The following MYOM1 variants were observed in gnomAD, a reference collection of about 807,000 sequenced individuals.
MYOM1 encodes myomesin 1, also known as myomesin-1.
A neutral mutation model predicts 205.3 loss-of-function variants in MYOM1; 164 were observed. The ratio of observed to expected loss-of-function variants is 0.80; its 90% CI spans 0.70 to 0.91. MYOM1 has a LOEUF of 0.91. Ranked by LOEUF, MYOM1 falls within the 40% of genes least tolerant of loss-of-function variation. The probability of loss-of-function intolerance (pLI) is 0.00; values close to 1 mark genes in which losing one functional copy is unlikely to be tolerated. For synonymous variants in MYOM1, 772 were observed against 789.4 expected (o/e 0.98, Z 0.37); for missense variants, 2,011 against 2,127.3 (o/e 0.95, Z 1.08).
chr18:3,190,210 A>T lies in MYOM1; in HGVS notation c.432-1123T>A, dbSNP rs141948793. Among the ~76,000 whole-genome samples, 834 of 152,352 alleles carry T rather than the reference A, an allele frequency of 5.5e-3. 7 individuals are homozygous for T. The highest frequency in any genetic ancestry group is 0.018 in the African/African-American group (764 of 41,574). ...CGTTTAAAAATATTTGAATTATTTT[A>T]ACATATTTCAATGCCTTTTGTTGTT... On this transcript the variant is annotated intron_variant, in intron 3 of 37. Coordinates refer to ENST00000356443, the MANE Select transcript of MYOM1 (RefSeq NM_003803.4).
At chr18:3,164,830 A>G (rs2080445132) in intron 9 of MYOM1, among the ~76,000 whole-genome samples, 3 of 152,260 alleles carry the variant, frequency 2.0e-5, no homozygotes, top group Admixed American at 1.3e-4. Context: ...TGTATATGCA[A>G]TCAATAATAA....
At chr18:3,100,285 C>T in intron 24 of MYOM1, 35 bp downstream of exon 24, 2 of 1,612,172 alleles carry the variant, frequency 1.2e-6, no homozygotes, top group Non-Finnish European at 1.7e-6. Context: ...TTCAAAGCAA[C>T]ATTCGATGTG....
chr18:3,092,101 C>T (rs937452435), intron 26 of MYOM1, among the ~76,000 whole-genome samples: 17 of 152,210 alleles, frequency 1.1e-4, no homozygotes, highest in East Asian at 1.9e-4. Context: ...GCTCATTCAT[C>T]GCTATCTCCT....
chr18:3,112,322 G>A lies in MYOM1; in HGVS notation c.3394C>T (p.Pro1132Ser), dbSNP rs773796006. The change falls in exon 22 of 38, where the codon CCT (proline) becomes TCT (serine). Residue 1132 changes from proline (P) to serine (S), a missense_variant. Physicochemically the swap from Pro to Ser is moderately conservative, Grantham distance 74 (BLOSUM62 -1). Transcript: ENST00000356443. ...GVGKPSDLAG[P>S]VVAETRPGTK... ...CCTGGACGGGTCTCTGCCACAACAG[G>A]GCCAGCAAGGTCAGATGGCTTCCCA... 1.2e-6 allele frequency: 2 copies of A among 1,613,038 alleles called. No individual in the cohort carries two copies. The highest frequency in any genetic ancestry group is 1.7e-6 in the Non-Finnish European group (2 of 1,179,182).
chr18:3,083,852 C>T lies in MYOM1; in HGVS notation c.4421G>A (p.Gly1474Asp), dbSNP rs765506987. Residue 1474 changes from glycine to aspartate, a missense_variant, in exon 33 of 38, where the codon GGC (glycine) becomes GAC (aspartate). By Grantham distance (94) the Gly-to-Asp change is moderately conservative (BLOSUM62 -1). Coordinates refer to ENST00000356443, the MANE Select transcript of MYOM1 (RefSeq NM_003803.4). ...AGTTACAAAAGAGTACAGTTGGATGCCCTCGGCTGTGCTCTGGATTTTCAG... is the reference window on the plus strand; with the variant it reads ...AGTTACAAAAGAGTACAGTTGGATGTCCTCGGCTGTGCTCTGGATTTTCAG... ...TDLKIQSTAE[G>D]IQLYSFVTYY... is the part of the protein sequence containing the mutation. 5.7e-6 allele frequency: 9 copies of T among 1,584,022 alleles called. No individual in the cohort carries two copies. The South Asian group carries it at 5.8e-5, about 10-fold the overall frequency.
intron 6 of MYOM1, 45 bp downstream of exon 6, chr18:3,175,997 C>T (rs1235354374): frequency 8.0e-7 from 1 of 1,247,188 alleles, no homozygotes; most frequent in East Asian, 2.3e-5. Flanking sequence ...TGAGAAGCCT[C>T]CCTGAGCAAT....
chr18:3,132,183 G>C (rs1342948301), intron 16 of MYOM1, among the ~76,000 whole-genome samples: 1 of 147,266 alleles, frequency 6.8e-6, no homozygotes, highest in African/African-American at 2.5e-5. Context: ...ACGGAGTCTC[G>C]CTCTGTTGCC....
chr18:3,083,595 ATTTTTTTTT>A (rs59299057), intron 33 of MYOM1, among the ~76,000 whole-genome samples, 185 bp downstream of exon 33: 3 of 107,114 alleles, frequency 2.8e-5, no homozygotes, highest in Non-Finnish European at 3.8e-5. Context: ...CGCCCAGCTC[ATTTTTTTTT>A]TTTTTTTTTT....
At chr18:3,099,984 C>T (rs757409927) in intron 25 of MYOM1, among the ~76,000 whole-genome samples, 175 bp downstream of exon 25, 3 of 152,086 alleles carry the variant, frequency 2.0e-5, no homozygotes, top group African/African-American at 7.2e-5. Context: ...GGAGAACAAC[C>T]GCAAAGGAAA....
chr18:3,239,986 A>G, the MYOM1 span, among the ~76,000 whole-genome samples: 26 of 152,150 alleles, frequency 1.7e-4, no homozygotes, highest in Admixed American at 7.9e-4. Flanking sequence ...CTTTATCCTC[A>G]CAACCACTGA....
chr18:3,147,289 G>A (rs148224527), intron 13 of MYOM1, among the ~76,000 whole-genome samples: 9 of 151,478 alleles, frequency 5.9e-5, no homozygotes, highest in Non-Finnish European at 1.2e-4. Context: ...TGATAAAAGA[G>A]GAGCAAACGA....
At chr18:3,195,919 T>C (rs1389862960) in intron 2 of MYOM1, among the ~76,000 whole-genome samples, 4 of 152,202 alleles carry the variant, frequency 2.6e-5, no homozygotes, top group African/African-American at 2.4e-5. Context: ...TAAAGACTCA[T>C]GGCACTTTCA....
chr18:3,191,085 T>C lies in MYOM1; in HGVS notation c.432-1998A>G, dbSNP rs532464700. Among the ~76,000 whole-genome samples, 9 of 152,328 alleles carry C rather than the reference T, an allele frequency of 5.9e-5. No homozygotes were observed. In the East Asian group the frequency reaches 1.3e-3, roughly 23 times the overall value. On this transcript the variant is annotated intron_variant, in intron 3 of 37. Transcript: ENST00000356443. The stretch of plus-strand genomic sequence containing the variant: ...AGTAAAAGTCAGGATTTATCAGTGA[T>C]AACCCTTCTATAATGTGGACACAAA...
At chr18:3,131,627 A>C in intron 16 of MYOM1, 131 bp from the exon 17 acceptor site, 2 of 857,312 alleles carry the variant, frequency 2.3e-6, no homozygotes, top group Non-Finnish European at 3.4e-6. Context: ...TTTTGAACAG[A>C]AATGGGGTCT....
Position 3,179,045 on chromosome 18 carries a change from T to G in MYOM1, c.930-2911A>C, listed in dbSNP as rs12956190. Among the ~76,000 whole-genome samples the G allele has an allele frequency of 0.15, 22,394 of 152,048 alleles. 1,717 individuals are homozygous for G. Among genetic ancestry groups the G allele is most frequent in the Middle Eastern group, 0.2 (58 of 294 alleles). ...ACCACACTCAGCTAATTTTTTCTAT[T>G]TTTTGTAGAGACAGGCTCTTGCTAT... On this transcript the variant is annotated intron_variant, in intron 5 of 37. Coordinates refer to ENST00000356443, the MANE Select transcript of MYOM1 (RefSeq NM_003803.4). This position sits in a 1 kb window ranked among gnomAD's most constrained non-coding sequence, Gnocchi z 4.4.
chr18:3,197,376 G>C (rs966313101), intron 2 of MYOM1, among the ~76,000 whole-genome samples: 1 of 151,948 alleles, frequency 6.6e-6, no homozygotes, highest in Non-Finnish European at 1.5e-5. Context: ...GATCTCAGGT[G>C]ATCCGCCTGC....
In MYOM1 at chr18:3,178,189, T is replaced by C. The variant is rs549658229; in HGVS notation, c.930-2055A>G. 4.6e-5 allele frequency among the ~76,000 whole-genome samples: 7 copies of C among 152,366 alleles called. No homozygotes were observed. The South Asian group carries it at 1.0e-3, about 23-fold the overall frequency. ...ATGACGTCAATAACCCTGATTAACATAGCTGACACAGAGAATTGACTATGA... is the reference window on the plus strand; with the variant it reads ...ATGACGTCAATAACCCTGATTAACACAGCTGACACAGAGAATTGACTATGA... On this transcript the variant is annotated intron_variant, in intron 5 of 37. Transcript: ENST00000356443.
chr18:3,113,270 G>GTA (rs1309787973), intron 21 of MYOM1, among the ~76,000 whole-genome samples: 1 of 145,458 alleles, frequency 6.9e-6, no homozygotes, highest in South Asian at 2.2e-4. Context: ...ATATGTGTAT[G>GTA]TATATATATG....
At chr18:3,178,271 C>G (rs2080678218) in intron 5 of MYOM1, among the ~76,000 whole-genome samples, 1 of 152,176 alleles carries the variant, frequency 6.6e-6, no homozygotes, top group South Asian at 2.1e-4. Context: ...TTCTCACAAC[C>G]ACCGTATGAG....
Sources: allele counts gnomAD v4.1 joint callset (sites outside exome capture counted in the v4.1 genomes callset), GRCh38; gene constraint gnomAD v4.1.1; non-coding constraint Gnocchi (gnomAD v3.1); transcripts MANE v1.5; gene names NCBI Gene and HGNC (gene_info 2026-07-23, HGNC 2026-07-21).